Variants in TTLL6 observed in about 807,000 individuals in gnomAD.
TTLL6 encodes the protein tubulin tyrosine ligase like 6.
Under a neutral mutation model 96.4 loss-of-function variants are expected in TTLL6, and 75 were observed. The ratio of observed to expected loss-of-function variants is 0.78; its 90% CI spans 0.65 to 0.94. The LOEUF (loss-of-function observed/expected upper bound fraction) is 0.94, where lower values mean the gene tolerates loss of function less well. TTLL6 is among the 40% of genes least tolerant of loss of function. The pLI, the probability that TTLL6 is intolerant of heterozygous loss-of-function variation, is 0.00. For synonymous variants in TTLL6, 411 were observed against 419.4 expected (o/e 0.98, Z 0.24); for missense variants, 1,030 against 1,093.0 (o/e 0.94, Z 0.81).
chr17:48,816,891 G>T lies in TTLL6; in HGVS notation c.103+79C>A. ...GGGTCCCGTGTGGGTTTAAGGAGAC[G>T]TGTCTAGCCAGGTTTTCAGGGGACA... is the stretch of plus-strand genomic sequence containing the variant. On this transcript the variant is annotated intron_variant, in intron 1 of 15. Transcript: ENST00000393382. 5 of 1,118,262 alleles carry T rather than the reference G, an allele frequency of 4.5e-6. No homozygotes were observed. The South Asian group carries it at 4.7e-5, about 11-fold the overall frequency. The allele number at this position is 1,118,262 out of a possible 1,614,324, so 69.3% of individuals were successfully genotyped here. A position where few individuals can be genotyped will look rare whatever the true frequency, so the allele number is the denominator to read the frequency against.
intron 10 of TTLL6, among the ~76,000 whole-genome samples, chr17:48,788,958 G>A (rs2039163820): frequency 6.6e-6 from 1 of 152,120 alleles, no homozygotes; most frequent in South Asian, 2.1e-4. Context: ...AAGCAACAAA[G>A]GATCCCCTTG....
At position 48,799,580 on chromosome 17, in the gene TTLL6, T is replaced by C. The variant is rs887913965; in HGVS notation, c.768+24A>G. The C allele has an allele frequency of 5.8e-6, 9 of 1,547,924 alleles. No individual in the cohort carries two copies. In the Admixed American group the frequency reaches 7.9e-5, roughly 14 times the overall value. On this transcript the variant is annotated intron_variant, in intron 6 of 15. Coordinates refer to ENST00000393382, the MANE Select transcript of TTLL6 (RefSeq NM_001130918.3). ...GTCCGCGGTTGCTGTGGGTGATAAA[T>C]AAATAATCACAATGAGGAAGTACCT... is the stretch of plus-strand genomic sequence containing the variant.
Position 48,778,080 on chromosome 17 carries a change from C to A in TTLL6, c.2040+6843G>T, listed in dbSNP as rs1025580500. ...TCACTTGAGGTCAGGGGTTCAAGACCAGCCTGACCAACATGACTAAACCCC... is the reference window on the plus strand; with the variant it reads ...TCACTTGAGGTCAGGGGTTCAAGACAAGCCTGACCAACATGACTAAACCCC... On this transcript the variant is annotated intron_variant, in intron 13 of 15. Coordinates refer to ENST00000393382, the MANE Select transcript of TTLL6 (RefSeq NM_001130918.3). 2.6e-5 allele frequency among the ~76,000 whole-genome samples: 4 copies of A among 151,990 alleles called. No homozygotes were observed. The East Asian group carries it at 7.7e-4, about 29-fold the overall frequency.
intron 1 of TTLL6, among the ~76,000 whole-genome samples, chr17:48,809,422 C>T (rs766745451): frequency 6.6e-6 from 1 of 152,190 alleles, no homozygotes; most frequent in Non-Finnish European, 1.5e-5. Context: ...GGAGGAGTGG[C>T]TCTGTTTACC....
At chr17:48,790,227 G>A (rs1021709014) in intron 9 of TTLL6, 121 bp from the exon 10 acceptor site, 1 of 1,032,860 alleles carries the variant, frequency 9.7e-7, no homozygotes, top group Non-Finnish European at 1.4e-6. Flanking sequence ...CTACCAAGAT[G>A]AAAGGGAGGG....
At chr17:48,803,806 A>G in intron 3 of TTLL6, 85 bp downstream of exon 3, 1 of 1,391,150 alleles carries the variant, frequency 7.2e-7, no homozygotes, top group South Asian at 1.3e-5. Flanking sequence ...TTTCATCCTC[A>G]CAAATATACA....
intron 1 of TTLL6, among the ~76,000 whole-genome samples, chr17:48,810,232 A>C (rs1233042446): frequency 1.3e-5 from 2 of 152,116 alleles, no homozygotes; most frequent in African/African-American, 2.4e-5. Flanking sequence ...TAAAGTAAAA[A>C]ATTGAGCCCA....
At position 48,780,899 on chromosome 17, in the gene TTLL6, C is replaced by T. The variant is rs531248837; in HGVS notation, c.2040+4024G>A. 7.2e-5 allele frequency among the ~76,000 whole-genome samples: 11 copies of T among 152,102 alleles called. No individual in the cohort carries two copies. The South Asian group carries it at 8.3e-4, about 12-fold the overall frequency. ...TCTTTATTCATTTATCTGTGGTTGA[C>T]GGGCATTTGGGTTGCTTCTACCTCT... is the stretch of plus-strand genomic sequence containing the variant. On this transcript the variant is annotated intron_variant, in intron 13 of 15. Transcript: ENST00000393382.
chr17:48,770,742 G>A (rs2038726291), intron 13 of TTLL6, among the ~76,000 whole-genome samples: 4 of 151,636 alleles, frequency 2.6e-5, no homozygotes, highest in Admixed American at 1.3e-4. Context: ...CAAACTCCTG[G>A]GTTCAAGTGA....
chr17:48,770,041 T>G lies in TTLL6; in HGVS notation c.2097A>C (p.Pro699=). ...TCACAGCCAGGGTTGGCGGAGACTT[T>G]GGGGAGATTGAGAGTTGGGTGGTGG... The part of the protein sequence containing the change: ...PESTTQLSIS[P]KSPPTLAVTA... The change falls in exon 14 of 16, where the codon CCA becomes CCC. Residue 699 remains proline (P), a synonymous_variant. Transcript: ENST00000393382. 1 of 1,614,032 alleles carries G rather than the reference T, an allele frequency of 6.2e-7. No individual in the cohort carries two copies. The highest frequency in any genetic ancestry group is 8.5e-7 in the Non-Finnish European group (1 of 1,179,910).
chr17:48,794,166 G>T, intron 8 of TTLL6: 1 of 1,613,346 alleles, frequency 6.2e-7, no homozygotes, highest in East Asian at 2.2e-5. Context: ...AGGGGAAATG[G>T]AAGAGGCAGA....
At chr17:48,812,540 A>G (rs1052628175) in intron 1 of TTLL6, among the ~76,000 whole-genome samples, 1 of 152,196 alleles carries the variant, frequency 6.6e-6, no homozygotes, top group Non-Finnish European at 1.5e-5. Flanking sequence ...AGTTATGGAG[A>G]TTAAATGAGT....
rs764255988 is a variant in TTLL6, at chr17:48,787,938, C to A, written c.1462G>T (p.Glu488Ter). Reference sequence around the variant, plus strand: ...ATCAGTCGGAACCCTCCACAGTTTTCCTTCTCATACGTTTCAGTTTTCTTT... The same window carrying A: ...ATCAGTCGGAACCCTCCACAGTTTTACTTCTCATACGTTTCAGTTTTCTTT... ...QLKKTETYEKENCGGFRLIYP... is the reference protein window; with the variant it reads ...QLKKTETYEK Residue 488 changes from glutamate to a stop codon, truncating the protein, a stop_gained, in exon 11 of 16, where the codon GAA becomes TAA. Transcript: ENST00000393382. LOFTEE classifies it high-confidence loss of function. 121 of 1,614,014 alleles carry A rather than the reference C, an allele frequency of 7.5e-5. No homozygotes were observed. The highest frequency in any genetic ancestry group is 9.9e-5 in the Non-Finnish European group (117 of 1,180,024).
intron 1 of TTLL6, among the ~76,000 whole-genome samples, chr17:48,810,139 CAAAAAAA>C (rs59291777): frequency 8.1e-5 from 5 of 61,694 alleles, no homozygotes; most frequent in African/African-American, 1.1e-4. Context: ...AACTCTGTCT[CAAAAAAA>C]AAAAAAAAAA....
At chr17:48,772,164 C>T (rs1432470499) in intron 13 of TTLL6, among the ~76,000 whole-genome samples, 7 of 151,728 alleles carry the variant, frequency 4.6e-5, no homozygotes. Context: ...AAAATATAAT[C>T]CACACTCGAG....
chr17:48,780,759 A>T (rs1246999528), intron 13 of TTLL6, among the ~76,000 whole-genome samples: 1 of 152,212 alleles, frequency 6.6e-6, no homozygotes, highest in Non-Finnish European at 1.5e-5. Flanking sequence ...TTTTGTGACT[A>T]GCTTCTTTGA....
intron 7 of TTLL6, among the ~76,000 whole-genome samples, chr17:48,796,808 A>T (rs973305830): frequency 2.0e-4 from 31 of 152,020 alleles, no homozygotes; most frequent in African/African-American, 7.5e-4. Context: ...CACAAGCCCC[A>T]GACTCACCTC....
chr17:48,774,230 G>T (rs1323213738), intron 13 of TTLL6, among the ~76,000 whole-genome samples: 21 of 117,760 alleles, frequency 1.8e-4, no homozygotes, highest in African/African-American at 3.1e-4. Context: ...ATCCAGGTTT[G>T]TTGTTTTTTT....
Position 48,762,577 on chromosome 17 carries a change from G to T in TTLL6, c.*397C>A. Reference sequence around the variant, plus strand: ...AAGACCAACTGGCATAGTTCTGTTGGTGGACTGAGGGCTTTTGACTCCTGG... The same window carrying T: ...AAGACCAACTGGCATAGTTCTGTTGTTGGACTGAGGGCTTTTGACTCCTGG... On this transcript the variant is annotated 3_prime_UTR_variant, in exon 16 of 16. Coordinates refer to ENST00000393382, the MANE Select transcript of TTLL6 (RefSeq NM_001130918.3). The T allele has an allele frequency of 5.2e-6, 1 of 191,964 alleles. No homozygotes were observed. Among genetic ancestry groups the T allele is most frequent in the Non-Finnish European group, 1.1e-5 (1 of 92,640 alleles). 11.9% of individuals were successfully genotyped at this position (191,964 alleles called of 1,614,324 possible). A position where few individuals can be genotyped will look rare whatever the true frequency, so the allele number is the denominator to read the frequency against.
Sources: gnomAD v4.1 joint callset for allele counts (sites outside exome capture counted in the v4.1 genomes callset) on GRCh38, gnomAD v4.1.1 for gene constraint, MANE v1.5 for transcripts, NCBI Gene and HGNC (gene_info 2026-07-23, HGNC 2026-07-21) for gene names.